PKNOX2: variants seen among roughly 807,000 people sequenced by gnomAD.
PKNOX2 encodes PBX/knotted 1 homeobox 2.
PKNOX2 carries 14 observed loss-of-function variants against 53.1 expected under a neutral mutation model. That is an observed-to-expected ratio of 0.26 (90% CI 0.17 to 0.41). PKNOX2 has a LOEUF of 0.41. Ranked by LOEUF, PKNOX2 falls within the 10% of genes least tolerant of loss-of-function variation. PKNOX2 has a pLI of 1.00. For synonymous variants in PKNOX2, 257 were observed against 242.8 expected (o/e 1.06, Z -0.54); for missense variants, 496 against 602.8 (o/e 0.82, Z 1.85).
At chr11:125,387,508 G>A (rs1409888607) in intron 6 of PKNOX2, among the ~76,000 whole-genome samples, 1 of 152,104 alleles carries the variant, frequency 6.6e-6, no homozygotes, top group Non-Finnish European at 1.5e-5. Flanking sequence ...CGCCCAGGTG[G>A]CCACTTCCAT....
At chr11:125,201,209 A>G (rs966583469) in intron 1 of PKNOX2, among the ~76,000 whole-genome samples, 1 of 152,118 alleles carries the variant, frequency 6.6e-6, no homozygotes, top group Non-Finnish European at 1.5e-5. Context: ...CCCAAGAGGA[A>G]GCGGGGTCTT....
chr11:125,260,971 A>C (rs755318689), intron 2 of PKNOX2, among the ~76,000 whole-genome samples: 5 of 152,308 alleles, frequency 3.3e-5, no homozygotes, highest in Middle Eastern at 6.8e-3. Flanking sequence ...TCAGGTAAGC[A>C]TCTCACCTTC....
chr11:125,395,901 T>G (rs565194000), intron 6 of PKNOX2, among the ~76,000 whole-genome samples: 2 of 152,232 alleles, frequency 1.3e-5, no homozygotes, highest in South Asian at 4.2e-4. Context: ...CAGGGTCTTT[T>G]GAAGAGTAAA....
intron 1 of PKNOX2, among the ~76,000 whole-genome samples, chr11:125,222,410 A>G (rs1179278550): frequency 6.6e-6 from 1 of 151,732 alleles, no homozygotes; most frequent in Non-Finnish European, 1.5e-5. Context: ...TTCATGTGAT[A>G]TTTTTAGTTG....
intron 2 of PKNOX2, among the ~76,000 whole-genome samples, chr11:125,305,070 T>C (rs1222313188): frequency 3.9e-5 from 6 of 152,232 alleles, no homozygotes; most frequent in African/African-American, 1.4e-4. Flanking sequence ...CGAACCCATC[T>C]GGCCCAGCGC....
chr11:125,414,337 AGCCTGGCAGTGG>A (rs1239462848), intron 10 of PKNOX2, among the ~76,000 whole-genome samples: 1 of 152,186 alleles, frequency 6.6e-6, no homozygotes, highest in Non-Finnish European at 1.5e-5. Context: ...TGCCCTCTCC[AGCCTGGCAGTGG>A]GCACAGGTGC....
intron 2 of PKNOX2, among the ~76,000 whole-genome samples, chr11:125,236,497 C>T (rs557380136): frequency 6.6e-6 from 1 of 152,270 alleles, no homozygotes; most frequent in Non-Finnish European, 1.5e-5. Flanking sequence ...GAGGAGCAAG[C>T]TGAGCATGAA....
intron 2 of PKNOX2, among the ~76,000 whole-genome samples, chr11:125,329,534 T>C (rs1451192047): frequency 6.6e-6 from 1 of 152,172 alleles, no homozygotes; most frequent in African/African-American, 2.4e-5. Flanking sequence ...GCTTATAGTT[T>C]GGAAGGAGAT....
rs1954897464 is a variant in PKNOX2 at position 125,166,615 on chromosome 11, A to C, written c.-201+1839A>C. Among the ~76,000 whole-genome samples the C allele has an allele frequency of 6.6e-6, 1 of 152,116 alleles. No homozygotes were observed. The highest frequency in any genetic ancestry group is 2.1e-4 in the South Asian group (1 of 4,832). ...CCGCAGGGGCCGCGGCCTGCGATGA[A>C]GGCCGGGGGGCAGCGCTAGCAGCGA... On this transcript the variant is annotated intron_variant, in intron 1 of 12. Transcript: ENST00000298282. This position sits in a 1 kb window ranked among gnomAD's most constrained non-coding sequence, Gnocchi z 4.0.
intron 1 of PKNOX2, among the ~76,000 whole-genome samples, chr11:125,186,853 A>G (rs564199679): frequency 2.0e-5 from 3 of 152,136 alleles, no homozygotes; most frequent in Non-Finnish European, 4.4e-5. Context: ...TAACTCTTAT[A>G]TTTAGGTTGT....
intron 2 of PKNOX2, among the ~76,000 whole-genome samples, chr11:125,245,100 T>A (rs1943457703): frequency 6.6e-6 from 1 of 152,158 alleles, no homozygotes; most frequent in African/African-American, 2.4e-5. Flanking sequence ...GGACTCTCCC[T>A]GGGGGAGACC....
At chr11:125,340,863 A>G (rs1950645659) in intron 3 of PKNOX2, among the ~76,000 whole-genome samples, 2 of 152,088 alleles carry the variant, frequency 1.3e-5, no homozygotes, top group Admixed American at 6.6e-5. Context: ...CAGCCTGGTC[A>G]ACATGGTGAA....
chr11:125,211,406 A>G (rs1939832385), intron 1 of PKNOX2, among the ~76,000 whole-genome samples: 1 of 152,194 alleles, frequency 6.6e-6, no homozygotes, highest in South Asian at 2.1e-4. Flanking sequence ...TGAGAATACA[A>G]CTGTTGACAA....
intron 7 of PKNOX2, among the ~76,000 whole-genome samples, chr11:125,403,440 T>G (rs1954876380): frequency 6.6e-6 from 1 of 152,176 alleles, no homozygotes; most frequent in Non-Finnish European, 1.5e-5. Context: ...GGTGAACATT[T>G]ATTGAGCTCC....
At chr11:125,175,884 G>A (rs996456719) in intron 1 of PKNOX2, among the ~76,000 whole-genome samples, 9 of 152,222 alleles carry the variant, frequency 5.9e-5, no homozygotes, top group African/African-American at 9.6e-5. Flanking sequence ...AAATGACAGC[G>A]CCTACACCGT....
At chr11:125,369,320 C>G (rs1187307529) in intron 5 of PKNOX2, among the ~76,000 whole-genome samples, 4 of 152,066 alleles carry the variant, frequency 2.6e-5, no homozygotes, top group Non-Finnish European at 5.9e-5. Flanking sequence ...TGGTGGAGAG[C>G]TCTGGCTTGG....
intron 10 of PKNOX2, among the ~76,000 whole-genome samples, chr11:125,415,013 T>A (rs138998797): frequency 1.9e-3 from 286 of 152,288 alleles, no homozygotes; most frequent in African/African-American, 6.5e-3. Flanking sequence ...CGGACAGTAC[T>A]GTGACTTACT....
At chr11:125,172,159 A>T (rs1955370289) in intron 1 of PKNOX2, among the ~76,000 whole-genome samples, 1 of 152,188 alleles carries the variant, frequency 6.6e-6, no homozygotes, top group Admixed American at 6.5e-5. Context: ...AGCCTGGACT[A>T]GAAGGAGGAG....
intron 1 of PKNOX2, among the ~76,000 whole-genome samples, chr11:125,169,707 G>T (rs982703521): frequency 4.6e-5 from 7 of 152,234 alleles, no homozygotes; most frequent in African/African-American, 1.2e-4. Flanking sequence ...TAAAAAAAAT[G>T]GGAGATAGAG....
Sources: allele counts gnomAD v4.1 joint callset (sites outside exome capture counted in the v4.1 genomes callset), GRCh38; gene constraint gnomAD v4.1.1; non-coding constraint Gnocchi (gnomAD v3.1); transcripts MANE v1.5; gene names NCBI Gene and HGNC (gene_info 2026-07-23, HGNC 2026-07-21).